The following UBAP1 variants were observed in gnomAD, a reference collection of about 807,000 sequenced individuals.
UBAP1 encodes ubiquitin-associated protein 1.
Under a neutral mutation model 39.0 loss-of-function variants are expected in UBAP1, and 5 were observed. The observed-to-expected ratio is 0.13, with a 90% CI of 0.07 to 0.27. The LOEUF is 0.27. UBAP1 is among the 10% of genes least tolerant of loss of function. The pLI, the probability that UBAP1 is intolerant of heterozygous loss-of-function variation, is 1.00. For missense variants in UBAP1, 490 were observed against 608.1 expected, an observed-to-expected ratio of 0.81 and a Z score of 2.04; for synonymous variants, 211 against 225.1, an observed-to-expected ratio of 0.94 and a Z score of 0.56.
intron 1 of UBAP1, among the ~76,000 whole-genome samples, chr9:34,195,387 A>G (rs758101085): frequency 1.3e-5 from 2 of 152,058 alleles, no homozygotes; most frequent in African/African-American, 2.4e-5. Context: ...TTGCACATAG[A>G]TATCTATTTT....
At chr9:34,182,905 T>C (rs1830171343) in intron 1 of UBAP1, among the ~76,000 whole-genome samples, 1 of 151,696 alleles carries the variant, frequency 6.6e-6, no homozygotes, top group Non-Finnish European at 1.5e-5. Context: ...AGAGATGGGG[T>C]TTCACCGTGT....
At chr9:34,209,011 C>T (rs1228617968) in intron 1 of UBAP1, among the ~76,000 whole-genome samples, 4 of 151,544 alleles carry the variant, frequency 2.6e-5, no homozygotes, top group Admixed American at 6.6e-5. Flanking sequence ...CTCGGCTCAC[C>T]GCAACCTCCG....
chr9:34,238,318 T>C (rs1286518242), intron 3 of UBAP1, among the ~76,000 whole-genome samples: 1 of 152,280 alleles, frequency 6.6e-6, no homozygotes, highest in Non-Finnish European at 1.5e-5. Flanking sequence ...ATAATGATGC[T>C]CTGAACATCT....
rs373522730 is a variant in UBAP1, at chr9:34,234,326, G to T, written c.145G>T (p.Val49Phe). Residue 49 changes from valine to phenylalanine, a missense_variant, in exon 3 of 7, where the codon GTC becomes TTC. Around this residue, in one of 3 missense-constraint regions of UBAP1, gnomAD observed 144 missense variants for 184.4 expected, o/e 0.78. Transcript: ENST00000297661. ...GFSLPDCLQV[V>F]REVQYDFSLE... ...CTCCTTGCCTGATTGTTTGCAGGTTGTCAGAGAAGTACAGGTAAGTGGTAA... is the reference window on the plus strand; with the variant it reads ...CTCCTTGCCTGATTGTTTGCAGGTTTTCAGAGAAGTACAGGTAAGTGGTAA... 4 of 1,604,306 alleles carry T rather than the reference G, an allele frequency of 2.5e-6. No individual in the cohort carries two copies. Among genetic ancestry groups the T allele is most frequent in the Non-Finnish European group, 3.4e-6 (4 of 1,177,898 alleles).
chr9:34,210,949 A>G (rs967984107), intron 1 of UBAP1, among the ~76,000 whole-genome samples: 6 of 152,024 alleles, frequency 3.9e-5, no homozygotes, highest in Admixed American at 2.6e-4. Flanking sequence ...TATAATAAGA[A>G]TCATTTGAGA....
chr9:34,180,795 CTTT>C (rs11285458), intron 1 of UBAP1, among the ~76,000 whole-genome samples: 1 of 144,310 alleles, frequency 6.9e-6, no homozygotes. Context: ...GGAAAAAAAA[CTTT>C]TTTTTTTTTT....
chr9:34,188,685 G>A (rs369831887), intron 1 of UBAP1, among the ~76,000 whole-genome samples: 2 of 152,144 alleles, frequency 1.3e-5, no homozygotes, highest in African/African-American at 2.4e-5. Flanking sequence ...GGCCGGGTGC[G>A]TTGGCTCACG....
chr9:34,208,366 G>A (rs562321104), intron 1 of UBAP1, among the ~76,000 whole-genome samples: 3 of 152,244 alleles, frequency 2.0e-5, no homozygotes, highest in Admixed American at 6.5e-5. Flanking sequence ...CTGGAGGCCG[G>A]GCACAGTGGC....
At chr9:34,214,988 G>A (rs1011587116) in intron 1 of UBAP1, among the ~76,000 whole-genome samples, 9 of 152,152 alleles carry the variant, frequency 5.9e-5, no homozygotes, top group Non-Finnish European at 1.0e-4. Context: ...AGATGTTGGC[G>A]TGGATGCAGT....
chr9:34,202,433 G>A (rs1260555880), intron 1 of UBAP1, among the ~76,000 whole-genome samples: 3 of 152,030 alleles, frequency 2.0e-5, no homozygotes, highest in African/African-American at 7.2e-5. Flanking sequence ...TGCCCTGCCT[G>A]TGAGAGGGGC....
chr9:34,202,082 G>A (rs1235947419), intron 1 of UBAP1, among the ~76,000 whole-genome samples: 1 of 152,138 alleles, frequency 6.6e-6, no homozygotes, highest in Non-Finnish European at 1.5e-5. Flanking sequence ...CAGCTAGCCA[G>A]AAGCTCTCCA....
chr9:34,249,267 A>C (rs1563924309), intron 4 of UBAP1, among the ~76,000 whole-genome samples: 1 of 152,208 alleles, frequency 6.6e-6, no homozygotes, highest in Non-Finnish European at 1.5e-5. Flanking sequence ...CTGTCCATGC[A>C]TGGGAACCAC....
intron 1 of UBAP1, among the ~76,000 whole-genome samples, chr9:34,193,169 G>T (rs1055932481): frequency 2.0e-5 from 3 of 151,968 alleles, no homozygotes; most frequent in Non-Finnish European, 2.9e-5. Context: ...AATTAGCCAG[G>T]CGTGGTGGTA....
intron 1 of UBAP1, among the ~76,000 whole-genome samples, chr9:34,191,118 A>G (rs910729618): frequency 3.3e-5 from 5 of 152,342 alleles, no homozygotes; most frequent in African/African-American, 9.6e-5. Context: ...CAGTGGAGAT[A>G]TAAAACATTT....
intron 2 of UBAP1, among the ~76,000 whole-genome samples, chr9:34,232,306 T>G (rs1355583716): frequency 1.3e-5 from 2 of 152,218 alleles, no homozygotes; most frequent in Non-Finnish European, 2.9e-5. Flanking sequence ...GAGTTTCTTC[T>G]TAAAGGGCTA....
chr9:34,222,984 A>T (rs1253065813), intron 2 of UBAP1, among the ~76,000 whole-genome samples: 1 of 152,238 alleles, frequency 6.6e-6, no homozygotes. Context: ...TTCAAAAGAT[A>T]GACTTTCTGT....
intron 3 of UBAP1, among the ~76,000 whole-genome samples, chr9:34,235,045 G>A (rs768894982): frequency 3.0e-4 from 46 of 151,946 alleles, no homozygotes; most frequent in South Asian, 1.0e-3. Flanking sequence ...ATAGGCCTAG[G>A]CTGATGTGTG....
chr9:34,216,245 A>T (rs1468780297), intron 1 of UBAP1, among the ~76,000 whole-genome samples: 2 of 151,992 alleles, frequency 1.3e-5, no homozygotes, highest in Admixed American at 1.3e-4. Flanking sequence ...ACATAGCATG[A>T]AATTAACCAT....
At chr9:34,225,569 A>C (rs1216353467) in intron 2 of UBAP1, among the ~76,000 whole-genome samples, 1 of 151,934 alleles carries the variant, frequency 6.6e-6, no homozygotes, top group Non-Finnish European at 1.5e-5. Context: ...TGAGGTCAGG[A>C]GATCCAGACC....
Sources: allele counts gnomAD v4.1 joint callset (sites outside exome capture counted in the v4.1 genomes callset), GRCh38; gene constraint gnomAD v4.1.1; regional missense constraint gnomAD v4.1.1; transcripts MANE v1.5; gene names NCBI Gene and HGNC (gene_info 2026-07-23, HGNC 2026-07-21).